The following EYS variants were observed in gnomAD, a reference collection of about 807,000 sequenced individuals.
The protein encoded by EYS is protein eyes shut homolog.
EYS carries 250 observed loss-of-function variants against 282.1 expected under a neutral mutation model. The ratio of observed to expected loss-of-function variants is 0.89; its 90% CI spans 0.80 to 0.98. The LOEUF is 0.98. Among genes scored for constraint, EYS ranks in the 50% least tolerant of loss-of-function variants. The pLI is 0.00. For missense variants in EYS, 4,016 were observed against 3,709.0 expected (o/e 1.08, Z -2.15); for synonymous variants, 1,355 against 1,282.9 (o/e 1.06, Z -1.20).
chr6:65,137,825 T>C (rs927104643), intron 12 of EYS, among the ~76,000 whole-genome samples: 1 of 152,104 alleles, frequency 6.6e-6, no homozygotes, highest in Non-Finnish European at 1.5e-5. Context: ...GTTATAAATA[T>C]GTTGAATCTC....
intron 13 of EYS, among the ~76,000 whole-genome samples, chr6:65,034,091 C>T (rs1035880762): frequency 3.3e-5 from 5 of 152,180 alleles, no homozygotes; most frequent in African/African-American, 1.2e-4. Flanking sequence ...GGGTTTTGAA[C>T]TTGCACGGGG....
At chr6:63,942,349 A>G (rs1212036309) in intron 35 of EYS, among the ~76,000 whole-genome samples, 1 of 152,234 alleles carries the variant, frequency 6.6e-6, no homozygotes, top group African/African-American at 2.4e-5. Flanking sequence ...CCAATCAAGG[A>G]AGTCATAAAA....
chr6:65,019,908 A>AAGGAGAAGCAAGG (rs34883010), intron 13 of EYS, among the ~76,000 whole-genome samples: 1 of 151,794 alleles, frequency 6.6e-6, no homozygotes, highest in African/African-American at 2.4e-5. Flanking sequence ...TGGCGGCAGC[A>AAGGAGAAGCAAGG]AGAAGTGCCG....
intron 35 of EYS, among the ~76,000 whole-genome samples, chr6:63,971,537 G>A (rs1232769054): frequency 1.3e-5 from 2 of 152,184 alleles, no homozygotes; most frequent in Non-Finnish European, 2.9e-5. Context: ...CTCCATGGGA[G>A]AAGAAAATGT....
chr6:64,124,338 A>C (rs1340923330), intron 31 of EYS, among the ~76,000 whole-genome samples: 1 of 152,120 alleles, frequency 6.6e-6, no homozygotes, highest in Admixed American at 6.5e-5. Context: ...ACTCTCATCT[A>C]CTTTATCTTC....
At chr6:65,105,533 A>C (rs1459287033) in intron 12 of EYS, among the ~76,000 whole-genome samples, 1 of 151,854 alleles carries the variant, frequency 6.6e-6, no homozygotes, top group African/African-American at 2.4e-5. Context: ...CACGCATTTT[A>C]CAGAAAATTT....
chr6:64,198,508 G>A (rs1451741137), intron 31 of EYS, among the ~76,000 whole-genome samples: 1 of 151,690 alleles, frequency 6.6e-6, no homozygotes, highest in Non-Finnish European at 1.5e-5. Flanking sequence ...CCCTGGGTTT[G>A]ATGTTCCCCT....
intron 33 of EYS, among the ~76,000 whole-genome samples, chr6:64,033,850 A>C (rs574181294): frequency 6.0e-4 from 91 of 151,272 alleles, no homozygotes; most frequent in African/African-American, 1.7e-3. Flanking sequence ...CTCTCTCTAT[A>C]TATATATATA....
intron 12 of EYS, among the ~76,000 whole-genome samples, chr6:65,177,064 C>G (rs1189842918): frequency 6.6e-6 from 1 of 151,682 alleles, no homozygotes; most frequent in Non-Finnish European, 1.5e-5. Context: ...CCTGTATAAA[C>G]ATAACATTAA....
chr6:64,550,751 AC>A (rs1269447489), intron 26 of EYS, among the ~76,000 whole-genome samples: 7 of 152,146 alleles, frequency 4.6e-5, no homozygotes, highest in Non-Finnish European at 5.9e-5. Context: ...CTGATAGGCA[AC>A]TTCAGCAAAG....
chr6:63,879,803 A>G (rs1773079353), intron 35 of EYS, among the ~76,000 whole-genome samples: 1 of 152,162 alleles, frequency 6.6e-6, no homozygotes, highest in Non-Finnish European at 1.5e-5. Context: ...ATTCATTATA[A>G]AATGAAGCAT....
At chr6:64,041,959 T>C (rs1057256619) in intron 33 of EYS, among the ~76,000 whole-genome samples, 11 of 152,196 alleles carry the variant, frequency 7.2e-5, no homozygotes, top group Non-Finnish European at 5.9e-5. Flanking sequence ...TTGCTTTTCA[T>C]GCATTTGAAA....
At chr6:65,141,666 T>G (rs1167296595) in intron 12 of EYS, among the ~76,000 whole-genome samples, 1 of 84,432 alleles carries the variant, frequency 1.2e-5, no homozygotes, top group Non-Finnish European at 2.5e-5. Context: ...TATCTATCTA[T>G]CTATCTATCT....
intron 2 of EYS, among the ~76,000 whole-genome samples, chr6:65,543,248 C>G (rs943645081): frequency 1.7e-5 from 1 of 59,704 alleles, no homozygotes; most frequent in African/African-American, 8.7e-5. Context: ...GGATGAACAA[C>G]CTGCCTCGGC....
intron 18 of EYS, among the ~76,000 whole-genome samples, chr6:64,892,201 A>C (rs1417803400): frequency 1.3e-5 from 2 of 151,958 alleles, no homozygotes; most frequent in African/African-American, 2.4e-5. Context: ...TTTCATTTAC[A>C]TTATTCTTAT....
intron 11 of EYS, among the ~76,000 whole-genome samples, chr6:65,326,671 C>T (rs1769630907): frequency 6.6e-6 from 1 of 151,306 alleles, no homozygotes; most frequent in Admixed American, 6.6e-5. Flanking sequence ...AACATTGAGC[C>T]TTTCTACCCA....
At chr6:64,222,538 T>A (rs1188225074) in intron 31 of EYS, among the ~76,000 whole-genome samples, 1 of 152,038 alleles carries the variant, frequency 6.6e-6, no homozygotes, top group Non-Finnish European at 1.5e-5. Context: ...TTATTCCCAT[T>A]AACTAGAGAA....
At chr6:64,857,887 G>C (rs79724051) in intron 19 of EYS, among the ~76,000 whole-genome samples, 1 of 151,918 alleles carries the variant, frequency 6.6e-6, no homozygotes, top group African/African-American at 2.4e-5. Context: ...TATACCTATC[G>C]ACCATTTGCA....
intron 28 of EYS, among the ~76,000 whole-genome samples, chr6:64,434,260 A>G (rs1042687388): frequency 2.0e-5 from 3 of 152,070 alleles, no homozygotes; most frequent in Non-Finnish European, 1.5e-5. Context: ...TTGTGAGACT[A>G]AATTGCAATT....
Sources: gnomAD v4.1 joint callset for allele counts (sites outside exome capture counted in the v4.1 genomes callset) on GRCh38, gnomAD v4.1.1 for gene constraint, MANE v1.5 for transcripts, NCBI Gene and HGNC (gene_info 2026-07-23, HGNC 2026-07-21) for gene names.